The following SPNS3 variants were observed in gnomAD, a reference collection of about 807,000 sequenced individuals.
The protein encoded by SPNS3 is protein spinster homolog 3.
A neutral mutation model predicts 54.4 loss-of-function variants in SPNS3; 51 were observed. The observed-to-expected ratio is 0.94, with a 90% CI of 0.75 to 1.18. The LOEUF is 1.18. SPNS3 is among the 50% of genes most tolerant of loss of function. SPNS3 has a pLI of 0.00. For synonymous variants in SPNS3, 309 were observed against 294.7 expected (o/e 1.05, Z -0.50); for missense variants, 669 against 677.4 (o/e 0.99, Z 0.14).
At position 4,456,592 on chromosome 17, in the gene SPNS3, C is replaced by T. The variant is rs117332753; in HGVS notation, c.1113+3387C>T. ...CCAGGCTGGAGTACAGTGGCACGAT[C>T]TAGACTCACTGCAACCTCTACCTTT... On this transcript the variant is annotated intron_variant, in intron 8 of 11. Transcript: ENST00000355530. 9.8e-4 allele frequency among the ~76,000 whole-genome samples: 149 copies of T among 152,290 alleles called. 1 individual carries two copies. The highest frequency in any genetic ancestry group is 1.9e-3 in the Non-Finnish European group (131 of 68,018).
intron 8 of SPNS3, among the ~76,000 whole-genome samples, chr17:4,477,537 A>G (rs1972036078): frequency 6.6e-6 from 1 of 152,118 alleles, no homozygotes; most frequent in African/African-American, 2.4e-5. Context: ...TTCTTGAGTG[A>G]GGGGAATGAG....
At chr17:4,462,833 C>T (rs1971570332) in intron 8 of SPNS3, among the ~76,000 whole-genome samples, 1 of 124,042 alleles carries the variant, frequency 8.1e-6, no homozygotes. Flanking sequence ...ATCCATCCAT[C>T]CATTCAACCA....
chr17:4,465,854 C>T (rs2144139151), intron 8 of SPNS3, among the ~76,000 whole-genome samples: 1 of 152,346 alleles, frequency 6.6e-6, no homozygotes, highest in East Asian at 1.9e-4. Flanking sequence ...CCAGGGTTTC[C>T]TTCTCTTCTG....
intron 2 of SPNS3, among the ~76,000 whole-genome samples, chr17:4,443,840 C>T (rs1350972987): frequency 6.6e-6 from 1 of 152,260 alleles, no homozygotes. Flanking sequence ...GTGGCCCACG[C>T]CTGTAACCCC....
chr17:4,486,198 G>A lies in SPNS3; in HGVS notation c.1180-30G>A, dbSNP rs529259452. 1.5e-5 allele frequency: 23 copies of A among 1,504,934 alleles called. No homozygotes were observed. In the East Asian group the frequency reaches 2.4e-4, roughly 15 times the overall value. The allele number at this position is 1,504,934 out of a possible 1,614,324, so 93.2% of individuals were successfully genotyped here. ...GCAGGCAAGGGTGCCCTCACTTGGG[G>A]TGCCCCCCTGCTGTGCCTATGTTTT... On this transcript the variant is annotated intron_variant, in intron 9 of 11. Coordinates refer to ENST00000355530, the MANE Select transcript of SPNS3 (RefSeq NM_182538.5). The surrounding 1 kb of genome is among the most constrained non-coding windows in gnomAD (Gnocchi z 5.5).
chr17:4,480,942 C>T (rs1720801956), intron 9 of SPNS3, among the ~76,000 whole-genome samples: 1 of 152,170 alleles, frequency 6.6e-6, no homozygotes, highest in Admixed American at 6.5e-5. Context: ...CTTGTAGCCC[C>T]TATAGTTCGG....
intron 7 of SPNS3, among the ~76,000 whole-genome samples, chr17:4,451,151 A>T (rs896276780): frequency 6.6e-6 from 1 of 152,100 alleles, no homozygotes; most frequent in African/African-American, 2.4e-5. Context: ...GGCAGCTAGC[A>T]TACATCCGGG....
chr17:4,450,352 C>CT (rs201578658), intron 7 of SPNS3, among the ~76,000 whole-genome samples: 35,298 of 82,082 alleles, frequency 0.43, 5,326 homozygotes, highest in African/African-American at 0.57. Context: ...TCCCTCTCCC[C>CT]TCCTCTCTCT....
At chr17:4,451,250 G>T (rs58314633) in intron 7 of SPNS3, among the ~76,000 whole-genome samples, 3 of 91,318 alleles carry the variant, frequency 3.3e-5, no homozygotes, top group South Asian at 4.1e-4. Context: ...CTTCTTCTTT[G>T]TTTTTTTTTT....
intron 9 of SPNS3, chr17:4,481,873 GCTCT>G (rs144206113): frequency 0.012 from 913 of 73,874 alleles, 7 homozygotes; most frequent in Non-Finnish European, 0.014. Flanking sequence ...TTGGGACACT[GCTCT>G]CTCTCTCTCT....
rs74509927 is a variant in SPNS3 at position 4,477,258 on chromosome 17, A to C, written c.1114-1314A>C. On this transcript the variant is annotated intron_variant, in intron 8 of 11. Coordinates refer to ENST00000355530, the MANE Select transcript of SPNS3 (RefSeq NM_182538.5). ...ATGGGTGTAATGACGTCTGCCTTAC[A>C]GGGCACCTGACCTGAGGGGTTAGAC... 9.0e-3 allele frequency among the ~76,000 whole-genome samples: 1,375 copies of C among 152,292 alleles called. 16 individuals are homozygous for C. The highest frequency in any genetic ancestry group is 0.031 in the African/African-American group (1,294 of 41,564).
chr17:4,485,857 C>T (rs900469057), intron 9 of SPNS3, among the ~76,000 whole-genome samples: 1 of 152,240 alleles, frequency 6.6e-6, no homozygotes, highest in Admixed American at 6.5e-5. Flanking sequence ...AGACACCTGG[C>T]ATGCACCCGC....
At chr17:4,476,946 G>A (rs1232552871) in intron 8 of SPNS3, among the ~76,000 whole-genome samples, 2 of 152,234 alleles carry the variant, frequency 1.3e-5, no homozygotes, top group Non-Finnish European at 2.9e-5. Context: ...TGGGTCCCCG[G>A]CTGGCGTGGT....
rs757965918 is a variant in SPNS3, at chr17:4,486,335, T to G, written c.1278+9T>G. 1.9e-6 allele frequency: 3 copies of G among 1,599,372 alleles called. No homozygotes were observed. The East Asian group carries it at 6.7e-5, about 36-fold the overall frequency. On this transcript the variant is annotated intron_variant, in intron 10 of 11. Transcript: ENST00000355530. The surrounding 1 kb of genome is among the most constrained non-coding windows in gnomAD (Gnocchi z 5.5). ...CCTATCTCACAGGACTTGTAAGACG[T>G]GTCTGCGTGTGTGGGGTGGGGAGGG...
intron 7 of SPNS3, among the ~76,000 whole-genome samples, chr17:4,452,121 C>T (rs1428196560): frequency 6.6e-6 from 1 of 151,006 alleles, no homozygotes; most frequent in Non-Finnish European, 1.5e-5. Context: ...CTCACCTATC[C>T]ATCTGGGAAT....
At chr17:4,464,426 C>T (rs375371816) in intron 8 of SPNS3, among the ~76,000 whole-genome samples, 3 of 152,118 alleles carry the variant, frequency 2.0e-5, no homozygotes, top group Non-Finnish European at 4.4e-5. Context: ...GGCTGAACGT[C>T]GGCTATCCCC....
intron 8 of SPNS3, among the ~76,000 whole-genome samples, chr17:4,454,458 A>T (rs1270916410): frequency 6.6e-6 from 1 of 152,222 alleles, no homozygotes; most frequent in Non-Finnish European, 1.5e-5. Context: ...ACTTTGGAAA[A>T]GTAAACCAGC....
At position 4,441,545 on chromosome 17, in the gene SPNS3, G is replaced by A. The variant is rs545677848; in HGVS notation, c.265+1822G>A. Among the ~76,000 whole-genome samples, 18 of 152,244 alleles carry A rather than the reference G, an allele frequency of 1.2e-4. No individual in the cohort carries two copies. The South Asian group carries it at 1.9e-3, about 16-fold the overall frequency. The stretch of plus-strand genomic sequence containing the variant: ...TTGGTTCAACACCCACAACCTTCTC[G>A]ATTAAATAGATAATGGTGGTTTAGT... On this transcript the variant is annotated intron_variant, in intron 2 of 11. Transcript: ENST00000355530.
chr17:4,477,239 G>A (rs932524200), intron 8 of SPNS3, among the ~76,000 whole-genome samples: 6 of 152,226 alleles, frequency 3.9e-5, no homozygotes, highest in African/African-American at 9.6e-5. Context: ...TGAAATGGGT[G>A]TAATGACGTC....
Sources: gnomAD v4.1 joint callset for allele counts (sites outside exome capture counted in the v4.1 genomes callset) on GRCh38, gnomAD v4.1.1 for gene constraint, Gnocchi (gnomAD v3.1) non-coding constraint, MANE v1.5 for transcripts, NCBI Gene and HGNC (gene_info 2026-07-23, HGNC 2026-07-21) for gene names.